The following DHX16 variants were observed in gnomAD, a reference collection of about 807,000 sequenced individuals.
DHX16 encodes the protein DEAH-box helicase 16.
In DHX16, 81 loss-of-function variants were observed where a neutral mutation model predicts 131.2. The observed-to-expected ratio is 0.62, with a 90% CI of 0.52 to 0.74. The LOEUF (loss-of-function observed/expected upper bound fraction) is 0.74, where lower values mean the gene tolerates loss of function less well. Among genes scored for constraint, DHX16 ranks in the 30% least tolerant of loss-of-function variants. DHX16 has a pLI of 0.00. For synonymous variants in DHX16, 440 were observed against 520.2 expected (o/e 0.85, Z 2.10); for missense variants, 980 against 1,363.1 (o/e 0.72, Z 4.43).
Position 30,659,532 on chromosome 6 carries a change from G to A in DHX16, c.1947C>T (p.Ala649=). 6.2e-7 allele frequency: 1 copy of A among 1,610,434 alleles called. No homozygotes were observed. Among genetic ancestry groups the A allele is most frequent in the Non-Finnish European group, 8.5e-7 (1 of 1,178,878 alleles). The change falls in exon 12 of 20, where the codon GCC becomes GCT. Residue 649 remains alanine (A), a synonymous_variant. Transcript: ENST00000376442. ...IRELLVLPIY[A]NLPSDMQARI... is the part of the protein sequence containing the mutation. ...GGGCCTGCATGTCAGAGGGCAGATT[G>A]GCATAAATGGGCAGCACCAGGAGCT...
chr6:30,655,661 G>A (rs972139090), intron 16 of DHX16, 64 bp from the exon 17 acceptor site: 1 of 1,572,364 alleles, frequency 6.4e-7, no homozygotes, highest in African/African-American at 1.3e-5. Flanking sequence ...ATGGTGGAGT[G>A]GGGAGTGATC....
In DHX16 at chr6:30,656,058, G is replaced by A; in HGVS notation, c.2498+140C>T. The A allele has an allele frequency of 1.2e-6, 1 of 830,540 alleles. No individual in the cohort carries two copies. 51.4% of individuals were successfully genotyped at this position (830,540 alleles called of 1,614,324 possible). A position where few individuals can be genotyped will look rare whatever the true frequency, so the allele number is the denominator to read the frequency against. On this transcript the variant is annotated intron_variant, in intron 16 of 19. Transcript: ENST00000376442. This position sits in a 1 kb window ranked among gnomAD's most constrained non-coding sequence, Gnocchi z 5.1. The stretch of plus-strand genomic sequence containing the variant: ...TTACCCTTGTGGGCCTCAAAAGGGG[G>A]CAATCAGAGTTATCTAATACTTTAT...
rs369621324 is a variant in DHX16, at chr6:30,659,635, G to C, written c.1855-11C>G. 1.7e-5 allele frequency: 28 copies of C among 1,613,762 alleles called. No homozygotes were observed. In the African/African-American group the frequency reaches 3.7e-4, roughly 22 times the overall value. On this transcript the variant is annotated splice_polypyrimidine_tract_variant and intron_variant, in intron 11 of 19. Coordinates refer to ENST00000376442, the MANE Select transcript of DHX16 (RefSeq NM_003587.5). ...AGCCTCAATCTCCTCCTGGATAGAG[G>C]GTAGGGAGAGCAGCAGGGGTCCCAG...
In DHX16 at chr6:30,656,302, C is replaced by T. The variant is rs1187207784; in HGVS notation, c.2431-37G>A. 7 of 1,612,882 alleles carry T rather than the reference C, an allele frequency of 4.3e-6. No individual in the cohort carries two copies. In the African/African-American group the frequency reaches 9.4e-5, roughly 22 times the overall value. ...AGAGAGAGAGTTGAGCCCAGTCCTC[C>T]CTCAGGTTTCCCGCTACTACTACAG... is the stretch of plus-strand genomic sequence containing the variant. On this transcript the variant is annotated intron_variant, in intron 15 of 19. Coordinates refer to ENST00000376442, the MANE Select transcript of DHX16 (RefSeq NM_003587.5). This position sits in a 1 kb window ranked among gnomAD's most constrained non-coding sequence, Gnocchi z 5.1.
rs546479003 is a variant in DHX16, at chr6:30,667,097, A to T, written c.667-1364T>A. Among the ~76,000 whole-genome samples the T allele has an allele frequency of 3.9e-5, 6 of 152,304 alleles. No homozygotes were observed. In the South Asian group the frequency reaches 1.2e-3, roughly 32 times the overall value. On this transcript the variant is annotated intron_variant, in intron 4 of 19. Coordinates refer to ENST00000376442, the MANE Select transcript of DHX16 (RefSeq NM_003587.5). ...ATTTGACACACACAAACAAAAAACA[A>T]GGGAAAAAAATCTGTCACCAGTGAA...
intron 18 of DHX16, 89 bp downstream of exon 18, chr6:30,655,086 A>T: frequency 6.5e-7 from 1 of 1,546,676 alleles, no homozygotes. Flanking sequence ...GCATGCTCTC[A>T]CGCTGGAGGA....
At chr6:30,659,922 C>T (rs529736479) in intron 10 of DHX16, 88 bp from the exon 11 acceptor site, 31 of 1,554,426 alleles carry the variant, frequency 2.0e-5, no homozygotes, top group Non-Finnish European at 2.7e-5. Flanking sequence ...ACACTTTATC[C>T]TAGTTCCCCT....
At chr6:30,661,818 C>T (rs76657013) in intron 9 of DHX16, 1 of 717,922 alleles carries the variant, frequency 1.4e-6, no homozygotes, top group Non-Finnish European at 2.6e-6. Context: ...TGGGCAAAAA[C>T]ATCTGCATCA....
intron 11 of DHX16, 36 bp from the exon 12 acceptor site, chr6:30,659,660 G>A: frequency 6.2e-7 from 1 of 1,613,646 alleles, no homozygotes; most frequent in Non-Finnish European, 8.5e-7. Flanking sequence ...AGGGGTCCCA[G>A]AGTCACAGAA....
rs1426534739 is a variant in DHX16 at position 30,670,926 on chromosome 6, G to C, written c.473C>G (p.Pro158Arg). The C allele has an allele frequency of 6.2e-7, 1 of 1,612,874 alleles. No individual in the cohort carries two copies. The highest frequency in any genetic ancestry group is 2.2e-5 in the East Asian group (1 of 44,886). Residue 158 changes from proline to arginine, a missense_variant, in exon 3 of 20, where the codon CCA becomes CGA. By Grantham distance (103) the Pro-to-Arg change is moderately radical. This residue lies in a region of DHX16 where 457 missense variants were observed against 554.8 expected (regional missense o/e 0.82). Coordinates refer to ENST00000376442, the MANE Select transcript of DHX16 (RefSeq NM_003587.5). The surrounding 1 kb of genome is among the most constrained non-coding windows in gnomAD (Gnocchi z 4.4). ...CCGTTCCCACTCATCTTCCGACTCTGGCTTCTCTGTCTGCTGTTTACTCCC... is the reference window on the plus strand; with the variant it reads ...CCGTTCCCACTCATCTTCCGACTCTCGCTTCTCTGTCTGCTGTTTACTCCC... ...TGGSKQQTEK[P>R]ESEDEWERTE...
At position 30,670,963 on chromosome 6, in the gene DHX16, T is replaced by C; in HGVS notation, c.447-11A>G. The C allele has an allele frequency of 6.2e-7, 1 of 1,613,044 alleles. No individual in the cohort carries two copies. The highest frequency in any genetic ancestry group is 8.5e-7 in the Non-Finnish European group (1 of 1,180,006). On this transcript the variant is annotated splice_polypyrimidine_tract_variant and intron_variant, in intron 2 of 19. Transcript: ENST00000376442. The surrounding 1 kb of genome is among the most constrained non-coding windows in gnomAD (Gnocchi z 4.4). The stretch of plus-strand genomic sequence containing the variant: ...TGCTGTTTACTCCCCCTGCAGCCCA[T>C]CCAGGGGATTAAATAAGGGCATAGA...
In DHX16 at chr6:30,664,867, G is replaced by T; in HGVS notation, c.1251C>A (p.Val417=). 1 of 1,613,146 alleles carries T rather than the reference G, an allele frequency of 6.2e-7. No individual in the cohort carries two copies. Among genetic ancestry groups the T allele is most frequent in the Non-Finnish European group, 8.5e-7 (1 of 1,180,002 alleles). ...ELLAAIANHQ[V]LIIEGETGSG... is the part of the protein sequence containing the mutation. ...AGCCTGTCTCGCCTTCAATGATGAG[G>T]ACTTGGTGATTTGCAATAGCAGCCA... The change falls in exon 7 of 20, where the codon GTC becomes GTA. Residue 417 remains valine, a synonymous_variant. Transcript: ENST00000376442.
At chr6:30,658,168 G>A (rs1304968764) in intron 12 of DHX16, among the ~76,000 whole-genome samples, 2 of 152,214 alleles carry the variant, frequency 1.3e-5, no homozygotes, top group Admixed American at 6.5e-5. Flanking sequence ...ACTTTGAGAG[G>A]CCAAGGCAGG....
rs757259054 is a variant in DHX16 at position 30,670,389 on chromosome 6, TC to T, written c.666+20del. 96 of 1,602,310 alleles carry T rather than the reference TC, an allele frequency of 6.0e-5. No homozygotes were observed. In the East Asian group the frequency reaches 2.1e-3, roughly 35 times the overall value. On this transcript the variant is annotated intron_variant, in intron 4 of 19. Coordinates refer to ENST00000376442, the MANE Select transcript of DHX16 (RefSeq NM_003587.5). The surrounding 1 kb of genome is among the most constrained non-coding windows in gnomAD (Gnocchi z 4.4). ...TTTCCTTTTGTCTTCTGATCTTGGCTCCCTAGGCCCTGGGACTCACCATGGC... is the reference window on the plus strand; with the variant it reads ...TTTCCTTTTGTCTTCTGATCTTGGCTCCTAGGCCCTGGGACTCACCATGGC...
intron 4 of DHX16, among the ~76,000 whole-genome samples, chr6:30,667,673 T>C (rs1002113554): frequency 6.6e-6 from 1 of 151,942 alleles, no homozygotes; most frequent in African/African-American, 2.4e-5. Flanking sequence ...AAGCATTTGA[T>C]GAAAGGCTAT....
chr6:30,671,411 G>GA, intron 1 of DHX16, 137 bp from the exon 2 acceptor site: 1 of 802,056 alleles, frequency 1.2e-6, no homozygotes, highest in South Asian at 1.7e-5. Flanking sequence ...GCAATGGCGT[G>GA]ATCTCGGCTC....
intron 7 of DHX16, among the ~76,000 whole-genome samples, chr6:30,663,329 C>T (rs1768696244): frequency 6.6e-6 from 1 of 152,150 alleles, no homozygotes; most frequent in Admixed American, 6.5e-5. Context: ...TGGCTCATGC[C>T]TGTAATCCTA....
chr6:30,671,489 A>G (rs1769549533), intron 1 of DHX16, among the ~76,000 whole-genome samples: 1 of 152,088 alleles, frequency 6.6e-6, no homozygotes, highest in African/African-American at 2.4e-5. Flanking sequence ...CTGAGATTAC[A>G]GGCACATGCC....
rs1769000913 is a variant in DHX16, at chr6:30,665,875, C to T, written c.667-142G>A. 4 of 1,046,206 alleles carry T rather than the reference C, an allele frequency of 3.8e-6. No homozygotes were observed. The highest frequency in any genetic ancestry group is 5.4e-6 in the Non-Finnish European group (4 of 740,236). The allele number at this position is 1,046,206 out of a possible 1,614,324, so 64.8% of individuals were successfully genotyped here. On this transcript the variant is annotated intron_variant, in intron 4 of 19. Coordinates refer to ENST00000376442, the MANE Select transcript of DHX16 (RefSeq NM_003587.5). The surrounding 1 kb of genome is among the most constrained non-coding windows in gnomAD (Gnocchi z 4.8). ...CCCTCTACCTTCCCTCTGCAATGCA[C>T]AACCAAAACAATGACATACTCAAAT...
Sources: allele counts gnomAD v4.1 joint callset (sites outside exome capture counted in the v4.1 genomes callset), GRCh38; gene constraint gnomAD v4.1.1; regional missense constraint gnomAD v4.1.1; non-coding constraint Gnocchi (gnomAD v3.1); transcripts MANE v1.5; gene names NCBI Gene and HGNC (gene_info 2026-07-23, HGNC 2026-07-21).